The following ERBIN variants were observed in gnomAD, a reference collection of about 807,000 sequenced individuals.
ERBIN encodes erbb2 interacting protein, also known as densin-180-like protein.
ERBIN carries 60 observed loss-of-function variants against 158.4 expected under a neutral mutation model. The ratio of observed to expected loss-of-function variants is 0.38; its 90% CI spans 0.31 to 0.47. ERBIN has a LOEUF of 0.47. ERBIN is among the 20% of genes least tolerant of loss of function. ERBIN has a pLI of 0.99. For missense variants in ERBIN, 1,610 were observed against 1,648.0 expected (o/e 0.98, Z 0.40); for synonymous variants, 594 against 557.2 (o/e 1.07, Z -0.93).
intron 7 of ERBIN, among the ~76,000 whole-genome samples, chr5:66,020,066 A>G (rs965874023): frequency 6.6e-6 from 1 of 152,090 alleles, no homozygotes; most frequent in African/African-American, 2.4e-5. Flanking sequence ...TTTCTGGGGA[A>G]AGATATGAGT....
At chr5:66,022,083 G>T (rs1755757880) in intron 8 of ERBIN, among the ~76,000 whole-genome samples, 1 of 151,846 alleles carries the variant, frequency 6.6e-6, no homozygotes, top group South Asian at 2.1e-4. Context: ...ATGGTTTTAA[G>T]CCTAGGAATT....
chr5:66,048,434 T>C (rs1758671593), intron 18 of ERBIN, among the ~76,000 whole-genome samples: 1 of 151,770 alleles, frequency 6.6e-6, no homozygotes, highest in African/African-American at 2.4e-5. Context: ...AAAAAGGGAA[T>C]AGAGGAGCAG....
At chr5:65,976,520 CTTTTTTTTTTTT>C (rs778638629) in intron 1 of ERBIN, among the ~76,000 whole-genome samples, 1 of 138,062 alleles carries the variant, frequency 7.2e-6, no homozygotes, top group South Asian at 2.3e-4. Flanking sequence ...TTTCTTTTTT[CTTTTTTTTTTTT>C]TTTATTGATC....
intron 24 of ERBIN, 39 bp from the exon 25 acceptor site, chr5:66,076,836 A>C: frequency 6.9e-7 from 1 of 1,442,642 alleles, no homozygotes; most frequent in Middle Eastern, 2.0e-4. Flanking sequence ...TTATTTATAC[A>C]TACTGTTTTT....
Position 65,941,464 on chromosome 5 carries a change from A to G in ERBIN, c.-58+14658A>G, listed in dbSNP as rs570486957. Among the ~76,000 whole-genome samples the G allele has an allele frequency of 5.9e-5, 9 of 152,252 alleles. No individual in the cohort carries two copies. In the South Asian group the frequency reaches 1.9e-3, roughly 32 times the overall value. The stretch of plus-strand genomic sequence containing the variant: ...ATAGGTTATATACAAATACAACACC[A>G]TTTTATATGAGGGATACTTGGAGCA... On this transcript the variant is annotated intron_variant, in intron 1 of 25. Transcript: ENST00000284037.
chr5:65,945,915 G>A (rs1432818019), intron 1 of ERBIN, among the ~76,000 whole-genome samples: 2 of 152,074 alleles, frequency 1.3e-5, no homozygotes, highest in African/African-American at 4.8e-5. Context: ...TTCACAACCA[G>A]GATATTGGAA....
At position 66,079,124 on chromosome 5, in the gene ERBIN, G is replaced by T. The variant is rs1762258277; in HGVS notation, c.*594G>T. ...ATAAAAATCTGGAAGCAAAGAATGGGGATGGGGAGAGCTACGTGGTAGTAT... is the reference window on the plus strand; with the variant it reads ...ATAAAAATCTGGAAGCAAAGAATGGTGATGGGGAGAGCTACGTGGTAGTAT... On this transcript the variant is annotated 3_prime_UTR_variant, in exon 26 of 26. Coordinates refer to ENST00000284037, the MANE Select transcript of ERBIN (RefSeq NM_001253697.2). 1.3e-5 allele frequency: 2 copies of T among 152,744 alleles called. No homozygotes were observed. The highest frequency in any genetic ancestry group is 6.5e-5 in the Admixed American group (1 of 15,276). 9.5% of individuals were successfully genotyped at this position (152,744 alleles called of 1,614,324 possible). A position where few individuals can be genotyped will look rare whatever the true frequency, so the allele number is the denominator to read the frequency against.
intron 1 of ERBIN, among the ~76,000 whole-genome samples, chr5:65,933,128 G>A (rs543576485): frequency 6.6e-6 from 1 of 152,288 alleles, no homozygotes; most frequent in East Asian, 1.9e-4. Flanking sequence ...TGGTCTGCAT[G>A]TAACCTTTAA....
intron 15 of ERBIN, among the ~76,000 whole-genome samples, chr5:66,042,586 A>T (rs35318091): frequency 2.0e-5 from 3 of 152,080 alleles, no homozygotes; most frequent in Non-Finnish European, 4.4e-5. Flanking sequence ...GATTTTTTGG[A>T]TTAGGGATGT....
intron 1 of ERBIN, among the ~76,000 whole-genome samples, chr5:65,948,540 A>AT (rs1388467482): frequency 6.6e-6 from 1 of 152,102 alleles, no homozygotes; most frequent in Non-Finnish European, 1.5e-5. Context: ...CTCAGGGAAG[A>AT]TAAATTATAT....
At chr5:65,979,049 A>G (rs961663832) in intron 1 of ERBIN, among the ~76,000 whole-genome samples, 1 of 152,174 alleles carries the variant, frequency 6.6e-6, no homozygotes, top group Non-Finnish European at 1.5e-5. Context: ...GCCAGCTCAA[A>G]TGGACTCTAC....
At chr5:65,939,305 C>T (rs1034415591) in intron 1 of ERBIN, among the ~76,000 whole-genome samples, 2 of 152,054 alleles carry the variant, frequency 1.3e-5, no homozygotes, top group African/African-American at 4.8e-5. Context: ...AGTGTGGTGG[C>T]GTGTGCCTGT....
intron 1 of ERBIN, among the ~76,000 whole-genome samples, chr5:65,958,890 A>G (rs1325692049): frequency 6.6e-6 from 1 of 152,158 alleles, no homozygotes; most frequent in Non-Finnish European, 1.5e-5. Flanking sequence ...GAGCATGCTT[A>G]AAGTAGGCTA....
intron 2 of ERBIN, among the ~76,000 whole-genome samples, chr5:65,991,459 A>T (rs888638084): frequency 6.6e-6 from 1 of 152,204 alleles, no homozygotes; most frequent in African/African-American, 2.4e-5. Flanking sequence ...ACACAGAAAG[A>T]ATTGATAACA....
In ERBIN at chr5:66,078,679, G is replaced by A. The variant is rs1762229956; in HGVS notation, c.*149G>A. On this transcript the variant is annotated 3_prime_UTR_variant, in exon 26 of 26. Transcript: ENST00000284037. ...ACATTAATGAAATAATGGAACTTGTGGTTAGAGGGAAAGAACCACTGTACA... is the reference window on the plus strand; with the variant it reads ...ACATTAATGAAATAATGGAACTTGTAGTTAGAGGGAAAGAACCACTGTACA... The A allele has an allele frequency of 8.0e-6, 5 of 621,900 alleles. No individual in the cohort carries two copies. The highest frequency in any genetic ancestry group is 2.1e-5 in the South Asian group (1 of 47,910). 38.5% of individuals were successfully genotyped at this position (621,900 alleles called of 1,614,324 possible). A position where few individuals can be genotyped will look rare whatever the true frequency, so the allele number is the denominator to read the frequency against.
chr5:66,035,336 C>T (rs1757294203), intron 14 of ERBIN, among the ~76,000 whole-genome samples: 1 of 152,110 alleles, frequency 6.6e-6, no homozygotes, highest in South Asian at 2.1e-4. Context: ...CACGTTCTGC[C>T]CCAAATATAT....
At chr5:66,000,386 A>C (rs1752899494) in intron 4 of ERBIN, among the ~76,000 whole-genome samples, 1 of 152,154 alleles carries the variant, frequency 6.6e-6, no homozygotes, top group South Asian at 2.1e-4. Context: ...CTATTTAAAG[A>C]ATTACATGTT....
rs1255522987 is a variant in ERBIN at position 66,028,356 on chromosome 5, A to AT, written c.1206+17dup. ...CTCAGATAATCAGGTGGGCATTCTGATTTTATAAGTTAATGGAGTTCTTAT... is the reference window on the plus strand; with the variant it reads ...CTCAGATAATCAGGTGGGCATTCTGATTTTTATAAGTTAATGGAGTTCTTAT... On this transcript the variant is annotated intron_variant, in intron 14 of 25. Transcript: ENST00000284037. The AT allele has an allele frequency of 2.5e-6, 4 of 1,605,816 alleles. No individual in the cohort carries two copies. The highest frequency in any genetic ancestry group is 3.4e-6 in the Non-Finnish European group (4 of 1,174,006).
chr5:66,068,962 A>G, intron 21 of ERBIN: 3 of 1,535,820 alleles, frequency 2.0e-6, no homozygotes, highest in South Asian at 1.2e-5. Flanking sequence ...CATGGCAGCC[A>G]GGGCAGTCTT....
Sources: allele counts gnomAD v4.1 joint callset (sites outside exome capture counted in the v4.1 genomes callset), GRCh38; gene constraint gnomAD v4.1.1; transcripts MANE v1.5; gene names NCBI Gene and HGNC (gene_info 2026-07-23, HGNC 2026-07-21).